PUF60: variants seen among roughly 807,000 people sequenced by gnomAD.
The protein encoded by PUF60 is poly(U) binding splicing factor 60, also known as poly(U)-binding-splicing factor PUF60.
A neutral mutation model predicts 61.8 loss-of-function variants in PUF60; 10 were observed. That is an observed-to-expected ratio of 0.16 (90% CI 0.10 to 0.27). PUF60 has a LOEUF of 0.27. Ranked by LOEUF, PUF60 falls within the 10% of genes least tolerant of loss-of-function variation. The pLI is 1.00. For synonymous variants in PUF60, 353 were observed against 300.9 expected (o/e 1.17, Z -1.79); for missense variants, 371 against 754.0 (o/e 0.49, Z 5.95).
chr8:143,823,577 A>G (rs1431568718), intron 2 of PUF60, among the ~76,000 whole-genome samples: 1 of 152,228 alleles, frequency 6.6e-6, no homozygotes, highest in African/African-American at 2.4e-5. Context: ...GCTGCATACC[A>G]TGTCCCAGTC....
At chr8:143,829,054 C>A (rs1817994852) in intron 1 of PUF60, 1 of 1,021,738 alleles carries the variant, frequency 9.8e-7, no homozygotes, top group Admixed American at 5.7e-5. Flanking sequence ...GCCCCCGCCC[C>A]GCCCCGCCGG....
In PUF60 at chr8:143,817,477, A is replaced by G. The variant is rs773329778; in HGVS notation, c.1009-11T>C. 3.7e-6 allele frequency: 6 copies of G among 1,609,940 alleles called. No individual in the cohort carries two copies. Among genetic ancestry groups the G allele is most frequent in the South Asian group, 3.3e-5 (3 of 90,696 alleles). On this transcript the variant is annotated splice_polypyrimidine_tract_variant and intron_variant, in intron 9 of 11. Coordinates refer to ENST00000526683, the MANE Select transcript of PUF60 (RefSeq NM_078480.3). This position sits in a 1 kb window ranked among gnomAD's most constrained non-coding sequence, Gnocchi z 7.4. ...TCCGGCCACTGCTTCCTGCAACCCA[A>G]AAGGTCACCGTGCTCAGTCCCTGGT...
At chr8:143,821,108 G>A (rs1442056519) in intron 4 of PUF60, among the ~76,000 whole-genome samples, 2 of 152,244 alleles carry the variant, frequency 1.3e-5, no homozygotes, top group African/African-American at 4.8e-5. Context: ...CGCAGCCTCC[G>A]GCCACAGGCC....
rs772771386 is a variant in PUF60, at chr8:143,818,129, A to G, written c.604-54T>C. On this transcript the variant is annotated intron_variant, in intron 7 of 11. Coordinates refer to ENST00000526683, the MANE Select transcript of PUF60 (RefSeq NM_078480.3). The surrounding 1 kb of genome is among the most constrained non-coding windows in gnomAD (Gnocchi z 7.9). The stretch of plus-strand genomic sequence containing the variant: ...CCGGTCAACCCAGGCCCGGCCACAA[A>G]AGGCTTCCGTGGAGGGGCAGCCCTG... 2 of 1,602,752 alleles carry G rather than the reference A, an allele frequency of 1.2e-6. No homozygotes were observed. Among genetic ancestry groups the G allele is most frequent in the South Asian group, 2.2e-5 (2 of 89,804 alleles).
intron 2 of PUF60, 54 bp from the exon 3 acceptor site, chr8:143,821,967 T>C (rs1184624918): frequency 7.0e-7 from 1 of 1,434,408 alleles, no homozygotes; most frequent in East Asian, 2.4e-5. Flanking sequence ...CTCCTTCACG[T>C]GGCCCCAGGA....
chr8:143,819,003 A>G (rs1816707389), intron 5 of PUF60: 1 of 166,864 alleles, frequency 6.0e-6, no homozygotes, highest in Admixed American at 6.1e-5. Context: ...CAGGGCAGCC[A>G]CTGCCCAGAA....
In PUF60 at chr8:143,829,279, C is replaced by A. The variant is rs1064795388; in HGVS notation, c.24+1G>T. On this transcript the variant is annotated splice_donor_variant, in intron 1 of 11. Transcript: ENST00000526683. LOFTEE classifies it high-confidence loss of function. ...CCGCGCTCATGGGGGGGCTCACTTA[C>A]GAGAGCTATGGTCGCCGTCGCCATC... is the stretch of plus-strand genomic sequence containing the variant. The A allele has an allele frequency of 1.6e-6, 2 of 1,266,028 alleles. No individual in the cohort carries two copies. The highest frequency in any genetic ancestry group is 3.7e-5 in the Admixed American group (1 of 26,852). The allele number at this position is 1,266,028 out of a possible 1,614,324, so 78.4% of individuals were successfully genotyped here.
At chr8:143,822,170 C>T (rs923017758) in intron 2 of PUF60, among the ~76,000 whole-genome samples, 1 of 152,174 alleles carries the variant, frequency 6.6e-6, no homozygotes, top group African/African-American at 2.4e-5. Flanking sequence ...GTGGCCTCCT[C>T]GGGAACCACC....
In PUF60 at chr8:143,817,533, T is replaced by G. The variant is rs1816494286; in HGVS notation, c.1008+59A>C. On this transcript the variant is annotated intron_variant, in intron 9 of 11. Coordinates refer to ENST00000526683, the MANE Select transcript of PUF60 (RefSeq NM_078480.3). The surrounding 1 kb of genome is among the most constrained non-coding windows in gnomAD (Gnocchi z 7.4). ...TACTCAAGACCACCTTGAATCAGTC[T>G]CCAAGGAATCAGGGGCCAGCCCGCC... is the stretch of plus-strand genomic sequence containing the variant. 1.2e-6 allele frequency: 2 copies of G among 1,608,138 alleles called. No homozygotes were observed. The highest frequency in any genetic ancestry group is 1.7e-6 in the Non-Finnish European group (2 of 1,179,070).
At chr8:143,823,226 C>CCT (rs937232073) in intron 2 of PUF60, 2 of 158,412 alleles carry the variant, frequency 1.3e-5, no homozygotes, top group African/African-American at 4.8e-5. Flanking sequence ...CTTCACCACC[C>CCT]TCAGCACCAG....
rs761149048 is a variant in PUF60 at position 143,818,137 on chromosome 8, C to T, written c.603+56G>A. On this transcript the variant is annotated intron_variant, in intron 7 of 11. Coordinates refer to ENST00000526683, the MANE Select transcript of PUF60 (RefSeq NM_078480.3). The surrounding 1 kb of genome is among the most constrained non-coding windows in gnomAD (Gnocchi z 7.9). The stretch of plus-strand genomic sequence containing the variant: ...CCCAGGCCCGGCCACAAAAGGCTTC[C>T]GTGGAGGGGCAGCCCTGCACGCCTG... 32 of 1,600,380 alleles carry T rather than the reference C, an allele frequency of 2.0e-5. No homozygotes were observed. The Admixed American group carries it at 3.8e-4, about 19-fold the overall frequency.
At chr8:143,821,982 C>T in intron 2 of PUF60, 69 bp from the exon 3 acceptor site, 1 of 1,184,770 alleles carries the variant, frequency 8.4e-7, no homozygotes, top group South Asian at 1.5e-5. Flanking sequence ...CCAGGAGGGC[C>T]ACCCCTAGCA....
intron 5 of PUF60, among the ~76,000 whole-genome samples, chr8:143,819,216 G>C (rs939477146): frequency 1.3e-5 from 2 of 152,088 alleles, no homozygotes; most frequent in South Asian, 2.1e-4. Flanking sequence ...CCTGGCCCCC[G>C]GGGGCACCAT....
At chr8:143,824,680 C>G (rs1790298261) in intron 1 of PUF60, 3 of 476,664 alleles carry the variant, frequency 6.3e-6, no homozygotes, top group African/African-American at 3.9e-5. Flanking sequence ...TGCTCCTGCC[C>G]CAGGCAAAAG....
intron 1 of PUF60, chr8:143,829,001 A>C: frequency 2.0e-6 from 2 of 994,176 alleles, no homozygotes; most frequent in Non-Finnish European, 2.4e-6. Context: ...ACAGGAACGC[A>C]ACCCCGCCAG....
Position 143,818,700 on chromosome 8 carries a change from A to G in PUF60, c.349-166T>C, listed in dbSNP as rs1816668268. ...CCTGCAGTCATAGTGTGGGGGTCGC[A>G]GGACCCCGCCACCCAAAGAAGGAAG... On this transcript the variant is annotated intron_variant, in intron 5 of 11. Transcript: ENST00000526683. This position sits in a 1 kb window ranked among gnomAD's most constrained non-coding sequence, Gnocchi z 7.9. 1.4e-6 allele frequency: 1 copy of G among 735,074 alleles called. No homozygotes were observed. The highest frequency in any genetic ancestry group is 2.8e-5 in the East Asian group (1 of 36,284). The allele number at this position is 735,074 out of a possible 1,614,324, so 45.5% of individuals were successfully genotyped here.
Position 143,824,362 on chromosome 8 carries a change from G to T in PUF60, c.62C>A (p.Ala21Glu). The T allele has an allele frequency of 1.2e-6, 2 of 1,612,554 alleles. No individual in the cohort carries two copies. The highest frequency in any genetic ancestry group is 1.1e-5 in the South Asian group (1 of 91,072). ...CGCTGCCACCACTGCCGCCGCCGCC[G>T]CCGGCTCGGACCCCCCTCCTTGCTG... ...NGQQGGGSEP[A>E]AAAAVVAAGD... The change falls in exon 2 of 12, where the codon GCG becomes GAG. Residue 21 changes from alanine to glutamate, a missense_variant. Physicochemically the swap from Ala to Glu is moderately radical, Grantham distance 107 (BLOSUM62 -1). This residue lies in a region of PUF60 where 69 missense variants were observed against 64.7 expected (regional missense o/e 1.07). Coordinates refer to ENST00000526683, the MANE Select transcript of PUF60 (RefSeq NM_078480.3).
At chr8:143,825,578 G>A (rs780088319) in intron 1 of PUF60, among the ~76,000 whole-genome samples, 6 of 152,038 alleles carry the variant, frequency 3.9e-5, no homozygotes, top group African/African-American at 1.5e-4. Flanking sequence ...GCTAGAGTGC[G>A]GTGGTGCAAC....
chr8:143,817,881 G>A lies in PUF60; in HGVS notation c.798C>T (p.His266=). 1 of 1,612,534 alleles carries A rather than the reference G, an allele frequency of 6.2e-7. No homozygotes were observed. The highest frequency in any genetic ancestry group is 8.5e-7 in the Non-Finnish European group (1 of 1,179,648). The change falls in exon 8 of 12, where the codon CAC becomes CAT. Residue 266 remains histidine, a synonymous_variant. Transcript: ENST00000526683. This position sits in a 1 kb window ranked among gnomAD's most constrained non-coding sequence, Gnocchi z 7.4. ...GCTCACCAATGAAGCCGTAGCCCTT[G>A]TGCTTGCCAGTTGTGGGGTCCCGGG... The part of the protein sequence containing the change: ...TLARDPTTGK[H]KGYGFIEYEK...
Sources: allele counts gnomAD v4.1 joint callset (sites outside exome capture counted in the v4.1 genomes callset), GRCh38; gene constraint gnomAD v4.1.1; regional missense constraint gnomAD v4.1.1; non-coding constraint Gnocchi (gnomAD v3.1); transcripts MANE v1.5; gene names NCBI Gene and HGNC (gene_info 2026-07-23, HGNC 2026-07-21).